DPP8: variants seen among roughly 807,000 people sequenced by gnomAD.
The protein encoded by DPP8 is dipeptidyl peptidase 8.
In DPP8, 31 loss-of-function variants were observed where a neutral mutation model predicts 107.5. That is an observed-to-expected ratio of 0.29 (90% CI 0.22 to 0.39). The LOEUF (loss-of-function observed/expected upper bound fraction) is 0.39, where lower values mean the gene tolerates loss of function less well. DPP8 is among the 10% of genes least tolerant of loss of function. The probability of loss-of-function intolerance (pLI) is 1.00; values close to 1 mark genes in which losing one functional copy is unlikely to be tolerated. For synonymous variants in DPP8, 381 were observed against 356.6 expected (o/e 1.07, Z -0.77); for missense variants, 842 against 1,076.1 (o/e 0.78, Z 3.04).
In DPP8 at chr15:65,467,223, T is replaced by C; in HGVS notation, c.1537A>G (p.Ile513Val). ...WEVLGRHGSN[I>V]QVDEVRRLVY... ...AGCCTTCTGACTTCATCAACTTGGA[T>C]CTGACAAGATAACAACAATAACAAA... Residue 513 changes from isoleucine to valine, a missense_variant and splice_region_variant, in exon 13 of 20, where the codon ATC becomes GTC. This residue lies in a region of DPP8 where 663 missense variants were observed against 758.0 expected (regional missense o/e 0.87). Transcript: ENST00000300141. The C allele has an allele frequency of 6.2e-7, 1 of 1,614,040 alleles. No homozygotes were observed. The highest frequency in any genetic ancestry group is 1.1e-5 in the South Asian group (1 of 91,054).
At chr15:65,473,954 A>G (rs150933386) in intron 12 of DPP8, among the ~76,000 whole-genome samples, 7,310 of 152,184 alleles carry the variant, frequency 0.048, 599 homozygotes, top group African/African-American at 0.17. Flanking sequence ...ATACAAAAAA[A>G]TTAGCCGGGC....
In DPP8 at chr15:65,470,382, G is replaced by A. The variant is rs560951459; in HGVS notation, c.1537-3159C>T. The stretch of plus-strand genomic sequence containing the variant: ...GTACTTTGGGAGGCTGAGGTGGGCA[G>A]ATCACGTGAGGTCAGGAGTTCTAGA... On this transcript the variant is annotated intron_variant, in intron 12 of 19. Transcript: ENST00000300141. 2.6e-5 allele frequency among the ~76,000 whole-genome samples: 4 copies of A among 151,464 alleles called. No individual in the cohort carries two copies. The South Asian group carries it at 8.4e-4, about 32-fold the overall frequency.
At chr15:65,450,967 T>C (rs1004335950) in intron 19 of DPP8, 32 bp downstream of exon 19, 3 of 1,298,824 alleles carry the variant, frequency 2.3e-6, no homozygotes, top group Non-Finnish European at 3.3e-6. Flanking sequence ...TAATCATGAC[T>C]GCATTTAACT....
At chr15:65,487,926 G>A in intron 6 of DPP8, 108 bp from the exon 7 acceptor site, 1 of 758,840 alleles carries the variant, frequency 1.3e-6, no homozygotes, top group East Asian at 2.7e-5. Flanking sequence ...AATAACTTAT[G>A]TATAAAATAT....
chr15:65,482,818 C>T (rs1432854818), intron 8 of DPP8, among the ~76,000 whole-genome samples: 2 of 151,932 alleles, frequency 1.3e-5, no homozygotes, highest in Admixed American at 6.6e-5. Flanking sequence ...CAATAGGGGC[C>T]GGGTGTGGTG....
chr15:65,497,815 C>T (rs758113446), intron 5 of DPP8, 49 bp downstream of exon 5: 35 of 1,341,770 alleles, frequency 2.6e-5, no homozygotes, highest in Non-Finnish European at 3.2e-5. Context: ...GCAAATTATA[C>T]TTCAAAAAAT....
At chr15:65,498,721 T>C (rs1398962226) in intron 4 of DPP8, among the ~76,000 whole-genome samples, 1 of 152,098 alleles carries the variant, frequency 6.6e-6, no homozygotes, top group Non-Finnish European at 1.5e-5. Flanking sequence ...CATAAAAATG[T>C]AATAGAAGCC....
chr15:65,490,442 C>T, intron 5 of DPP8, 143 bp from the exon 6 acceptor site: 1 of 656,874 alleles, frequency 1.5e-6, no homozygotes, highest in Non-Finnish European at 2.7e-6. Flanking sequence ...AATCTGGGGT[C>T]CATAATGTCT....
chr15:65,448,304 T>C (rs1335011179), intron 19 of DPP8, among the ~76,000 whole-genome samples: 1 of 151,872 alleles, frequency 6.6e-6, no homozygotes, highest in Non-Finnish European at 1.5e-5. Flanking sequence ...GAGGCTCAGG[T>C]GGGAGGATCG....
chr15:65,453,296 C>T (rs1325576963), intron 17 of DPP8, among the ~76,000 whole-genome samples: 1 of 152,162 alleles, frequency 6.6e-6, no homozygotes, highest in Non-Finnish European at 1.5e-5. Context: ...TAAGTAATTA[C>T]GATCCATCAG....
intron 7 of DPP8, among the ~76,000 whole-genome samples, chr15:65,487,382 C>T (rs982359903): frequency 1.4e-4 from 21 of 152,140 alleles, no homozygotes; most frequent in African/African-American, 5.1e-4. Context: ...CTCCTGACCT[C>T]AAGTGATCCA....
chr15:65,485,924 T>C (rs1217694722), intron 7 of DPP8, among the ~76,000 whole-genome samples: 1 of 150,258 alleles, frequency 6.7e-6, no homozygotes, highest in South Asian at 2.1e-4. Flanking sequence ...TGAAACCCCA[T>C]CTCTACTAAA....
At chr15:65,473,202 G>A (rs2066062297) in intron 12 of DPP8, among the ~76,000 whole-genome samples, 1 of 151,824 alleles carries the variant, frequency 6.6e-6, no homozygotes, top group African/African-American at 2.4e-5. Flanking sequence ...GTGTGTGCCT[G>A]TAATCCCAGC....
At chr15:65,455,222 C>T (rs2140369974) in intron 16 of DPP8, among the ~76,000 whole-genome samples, 1 of 152,174 alleles carries the variant, frequency 6.6e-6, no homozygotes, top group South Asian at 2.1e-4. Flanking sequence ...AGCTCAACCT[C>T]CCGGGCTCAA....
chr15:65,443,217 C>T lies in DPP8; in HGVS notation c.*3667G>A, dbSNP rs184822080. ...TTAAAAATTTACCTTTTCTATATATCATTTAACTACCATGAGGCAGGACAC... is the reference window on the plus strand; with the variant it reads ...TTAAAAATTTACCTTTTCTATATATTATTTAACTACCATGAGGCAGGACAC... On this transcript the variant is annotated 3_prime_UTR_variant, in exon 20 of 20. Coordinates refer to ENST00000300141, the MANE Select transcript of DPP8 (RefSeq NM_130434.5). 1.3e-5 allele frequency: 2 copies of T among 152,198 alleles called. No homozygotes were observed. The highest frequency in any genetic ancestry group is 3.9e-4 in the East Asian group (2 of 5,182). 9.4% of individuals were successfully genotyped at this position (152,198 alleles called of 1,614,324 possible). A position where few individuals can be genotyped will look rare whatever the true frequency, so the allele number is the denominator to read the frequency against.
chr15:65,476,201 C>T (rs2066374619), intron 11 of DPP8, among the ~76,000 whole-genome samples: 2 of 152,004 alleles, frequency 1.3e-5, no homozygotes, highest in African/African-American at 4.8e-5. Flanking sequence ...GGTGGTGAGG[C>T]TGTATTAGTG....
At chr15:65,509,710 TATG>T in intron 2 of DPP8, among the ~76,000 whole-genome samples, 1 of 152,206 alleles carries the variant, frequency 6.6e-6, no homozygotes, top group African/African-American at 2.4e-5. Flanking sequence ...CTCAAAAATG[TATG>T]ATTTCTTATA....
At chr15:65,479,104 A>G (rs1369877781) in intron 10 of DPP8, 65 bp from the exon 11 acceptor site, 8 of 1,149,720 alleles carry the variant, frequency 7.0e-6, no homozygotes, top group Non-Finnish European at 8.3e-6. Flanking sequence ...CAATTAGGCT[A>G]CAGGAAAAAT....
chr15:65,485,063 A>G, intron 8 of DPP8, 36 bp downstream of exon 8: 1 of 1,526,752 alleles, frequency 6.5e-7, no homozygotes, highest in Non-Finnish European at 9.1e-7. Flanking sequence ...GATTAGTCAA[A>G]TGACGCAGAA....
Sources: gnomAD v4.1 joint callset for allele counts (sites outside exome capture counted in the v4.1 genomes callset) on GRCh38, gnomAD v4.1.1 for gene constraint, gnomAD v4.1.1 regional missense constraint, MANE v1.5 for transcripts, NCBI Gene and HGNC (gene_info 2026-07-23, HGNC 2026-07-21) for gene names.